Variants in MTMR8 observed in about 807,000 individuals in gnomAD.
The protein encoded by MTMR8 is phosphatidylinositol-3,5-bisphosphate 3-phosphatase MTMR8.
Under a neutral mutation model 39.3 loss-of-function variants are expected in MTMR8, and 65 were observed. The ratio of observed to expected loss-of-function variants is 1.65; its 90% CI spans 1.35 to 2.03. The LOEUF is 2.03. MTMR8 is among the 30% of genes most tolerant of loss of function. MTMR8 has a pLI of 0.00. For missense variants in MTMR8, 777 were observed against 538.9 expected (o/e 1.44, Z -4.37); for synonymous variants, 245 against 185.2 (o/e 1.32, Z -2.62).
chrX:64,370,352 A>G (rs1236266784), intron 1 of MTMR8, among the ~76,000 whole-genome samples: 2 of 109,588 alleles, frequency 1.8e-5, no homozygotes, highest in African/African-American at 3.3e-5. Flanking sequence ...CATAATTTTC[A>G]TTTACAAAAT....
chrX:64,366,155 T>G (rs1923947922), intron 1 of MTMR8, among the ~76,000 whole-genome samples: 1 of 111,441 alleles, frequency 9.0e-6, no homozygotes, highest in Admixed American at 9.5e-5. Flanking sequence ...ACAATAATGA[T>G]GGGAGACTTT....
intron 3 of MTMR8, 115 bp from the exon 4 acceptor site, chrX:64,355,049 C>T (rs1923588092): frequency 1.5e-6 from 1 of 647,763 alleles, no homozygotes; most frequent in Non-Finnish European, 2.2e-6. Flanking sequence ...GTCAAACAGC[C>T]CCAGAAAAGG....
intron 8 of MTMR8, among the ~76,000 whole-genome samples, chrX:64,338,933 T>C (rs1329982464): frequency 9.0e-6 from 1 of 111,615 alleles, no homozygotes; most frequent in Non-Finnish European, 1.9e-5. Flanking sequence ...GTAGTGCCAT[T>C]AGACTAAATA....
intron 12 of MTMR8, among the ~76,000 whole-genome samples, chrX:64,289,511 T>C (rs1325385159): frequency 9.2e-6 from 1 of 108,489 alleles, no homozygotes; most frequent in Non-Finnish European, 1.9e-5. Flanking sequence ...GTGGCACATG[T>C]ATGTAGTCCT....
At chrX:64,284,089 G>C (rs1039933896) in intron 12 of MTMR8, among the ~76,000 whole-genome samples, 1 of 111,592 alleles carries the variant, frequency 9.0e-6, no homozygotes, top group African/African-American at 3.3e-5. Context: ...CAGATTAGAT[G>C]AATGGCTAAC....
chrX:64,270,829 G>A (rs1931743642), intron 13 of MTMR8, 118 bp downstream of exon 13: 7 of 800,856 alleles, frequency 8.7e-6, no homozygotes, highest in African/African-American at 2.1e-5. Flanking sequence ...CACATGAAAA[G>A]CCAAAGAGTA....
chrX:64,287,064 C>T (rs1408046343), intron 12 of MTMR8, among the ~76,000 whole-genome samples: 1 of 111,410 alleles, frequency 9.0e-6, no homozygotes, highest in South Asian at 3.8e-4. Context: ...CTAGAAAACC[C>T]CATTGTCTCA....
chrX:64,285,800 A>G (rs1921148088), intron 12 of MTMR8, among the ~76,000 whole-genome samples: 1 of 111,623 alleles, frequency 9.0e-6, no homozygotes, highest in Non-Finnish European at 1.9e-5. Context: ...ACAACATACC[A>G]GAATCTCTGG....
rs1359603260 is a variant in MTMR8, at chrX:64,361,614, T to C, written c.25-2087A>G. ...CTCAATTGATACAGAAAAAGAAGTA[T>C]TTAATATAGCTTAATTCTATTTATA... On this transcript the variant is annotated intron_variant, in intron 1 of 13. Transcript: ENST00000374852. Among the ~76,000 whole-genome samples, 3 of 111,066 alleles carry C rather than the reference T, an allele frequency of 2.7e-5. No individual in the cohort carries two copies. The Admixed American group carries it at 2.9e-4, about 11-fold the overall frequency.
chrX:64,360,464 T>A (rs1923750839), intron 1 of MTMR8: 2 of 246,727 alleles, frequency 8.1e-6, no homozygotes, highest in African/African-American at 6.0e-5. Context: ...AGCTATTATA[T>A]ACAGAGTAGG....
Position 64,349,993 on chromosome X carries a change from G to A in MTMR8, c.546C>T (p.Phe182=), listed in dbSNP as rs1466374588. ...GCACAGGGACACGTTCTTTACTTCT[G>A]AACTTTGAACTTCCAACCACCGTTC... The part of the protein sequence containing the change: ...TLGTVVGSSK[F]RSKERVPVLS... The change falls in exon 5 of 14, where the codon TTC becomes TTT. Residue 182 remains phenylalanine, a synonymous_variant. Coordinates refer to ENST00000374852, the MANE Select transcript of MTMR8 (RefSeq NM_017677.4). The A allele has an allele frequency of 4.2e-6, 5 of 1,195,961 alleles. No individual in the cohort carries two copies. The highest frequency in any genetic ancestry group is 5.6e-6 in the Non-Finnish European group (5 of 886,617).
At chrX:64,274,098 C>T (rs1931822354) in intron 12 of MTMR8, among the ~76,000 whole-genome samples, 1 of 111,291 alleles carries the variant, frequency 9.0e-6, no homozygotes, top group Admixed American at 9.6e-5. Flanking sequence ...AGTCTGTGGA[C>T]CAAATGGACC....
At chrX:64,312,074 A>C (rs1230851928) in intron 12 of MTMR8, among the ~76,000 whole-genome samples, 1 of 111,152 alleles carries the variant, frequency 9.0e-6, no homozygotes, top group Non-Finnish European at 1.9e-5. Flanking sequence ...GATGGCATTG[A>C]ATCTATAAAT....
intron 12 of MTMR8, among the ~76,000 whole-genome samples, chrX:64,295,224 A>C (rs1444649451): frequency 3.7e-5 from 4 of 108,886 alleles, no homozygotes; most frequent in Non-Finnish European, 7.6e-5. Context: ...ATAAAACTTA[A>C]AATGAGATGT....
At chrX:64,312,764 C>A (rs764163254) in intron 12 of MTMR8, among the ~76,000 whole-genome samples, 1 of 112,307 alleles carries the variant, frequency 8.9e-6, no homozygotes, top group Admixed American at 9.4e-5. Flanking sequence ...GATCCATGGG[C>A]TGCAGAATGG....
chrX:64,314,434 C>T (rs185349052), intron 12 of MTMR8, among the ~76,000 whole-genome samples: 338 of 112,479 alleles, frequency 3.0e-3, no homozygotes, highest in Admixed American at 5.3e-3. Context: ...GTGGTGTTAG[C>T]ATGGGGGTAG....
intron 1 of MTMR8, among the ~76,000 whole-genome samples, chrX:64,381,382 C>T (rs1924414861): frequency 9.0e-6 from 1 of 110,595 alleles, no homozygotes; most frequent in Non-Finnish European, 1.9e-5. Context: ...TGTCTTTTGG[C>T]TGCATAAATG....
At chrX:64,334,641 C>T (rs1923029069) in intron 10 of MTMR8, among the ~76,000 whole-genome samples, 2 of 107,566 alleles carry the variant, frequency 1.9e-5, no homozygotes, top group Non-Finnish European at 3.9e-5. Flanking sequence ...CTTCCCTGGC[C>T]TCATTTCCTC....
Position 64,366,776 on chromosome X carries a change from T to C in MTMR8, c.25-7249A>G, listed in dbSNP as rs971653053. ...AAGATCAGAGCAGAACCGAAGGAGA[T>C]AGAGACAAAAAAAACTTCAAAAAAA... On this transcript the variant is annotated intron_variant, in intron 1 of 13. Coordinates refer to ENST00000374852, the MANE Select transcript of MTMR8 (RefSeq NM_017677.4). Among the ~76,000 whole-genome samples the C allele has an allele frequency of 4.5e-5, 5 of 110,656 alleles. No homozygotes were observed. In the East Asian group the frequency reaches 1.4e-3, roughly 31 times the overall value.
Sources: allele counts gnomAD v4.1 joint callset (sites outside exome capture counted in the v4.1 genomes callset), GRCh38; gene constraint gnomAD v4.1.1; transcripts MANE v1.5; gene names NCBI Gene and HGNC (gene_info 2026-07-23, HGNC 2026-07-21).